The following PWWP4 variants were observed in gnomAD, a reference collection of about 807,000 sequenced individuals.
PWWP4 encodes putative PWWP domain-containing DNA repair factor 4.
exon 1 of PWWP4, among the ~76,000 whole-genome samples, chrX:153,271,781 T>C (rs2051807440): frequency 1.3e-5 from 1 of 76,668 alleles, no homozygotes; most frequent in Non-Finnish European, 2.3e-5. Flanking sequence ...AGCACAGACG[T>C]GAAGACCCCA....
chrX:153,275,803 A>G (rs1434291151), exon 1 of PWWP4, among the ~76,000 whole-genome samples: 1 of 63,239 alleles, frequency 1.6e-5, no homozygotes, highest in Non-Finnish European at 2.8e-5. Flanking sequence ...CACTCCAGGC[A>G]CCCTGCACTG....
exon 1 of PWWP4, among the ~76,000 whole-genome samples, chrX:153,272,782 C>T (rs1378064590): frequency 0.013 from 1,405 of 111,901 alleles, 2 homozygotes; most frequent in African/African-American, 0.019. Flanking sequence ...GGACAGGTCA[C>T]GGGCACGCAG....
upstream of PWWP4, among the ~76,000 whole-genome samples, chrX:153,266,784 C>G: frequency 1.4e-5 from 1 of 72,757 alleles, no homozygotes; most frequent in South Asian, 7.9e-4. Context: ...AGAGGGAAAT[C>G]TGATGCCGGC....
chrX:153,266,282 C>T, the PWWP4 span, among the ~76,000 whole-genome samples: 2 of 98,454 alleles, frequency 2.0e-5, no homozygotes, highest in Non-Finnish European at 4.0e-5. Flanking sequence ...GAGGTGAGGG[C>T]GTATGTGTGA....
At chrX:153,270,292 C>T (rs1388494369), upstream of PWWP4, among the ~76,000 whole-genome samples, 5 of 106,548 alleles carry the variant, frequency 4.7e-5, no homozygotes, top group African/African-American at 1.4e-4. Flanking sequence ...GGGATGCTCT[C>T]GGGAAAGCAC....
exon 1 of PWWP4, among the ~76,000 whole-genome samples, chrX:153,272,716 G>A (rs1353482810): frequency 6.5e-4 from 74 of 113,163 alleles, no homozygotes; most frequent in African/African-American, 2.0e-3. Context: ...TGCCCTGCGC[G>A]GAGACAGGTC....
chrX:153,269,114 A>G (rs1313332994), upstream of PWWP4, among the ~76,000 whole-genome samples: 1 of 51,341 alleles, frequency 1.9e-5, no homozygotes, highest in African/African-American at 8.9e-5. Flanking sequence ...CATGGATTCT[A>G]TGCATCAATG....
chrX:153,271,234 A>G (rs2051805339), upstream of PWWP4, among the ~76,000 whole-genome samples: 1 of 113,916 alleles, frequency 8.8e-6, no homozygotes, highest in African/African-American at 3.2e-5. Flanking sequence ...TGTGTAATAA[A>G]GCTTCTGTGG....
chrX:153,270,230 G>GAC (rs1369492867), upstream of PWWP4, among the ~76,000 whole-genome samples: 2 of 108,380 alleles, frequency 1.8e-5, no homozygotes, highest in African/African-American at 6.9e-5. Context: ...GAGAGAGAGA[G>GAC]AGGAGAGAGA....
exon 1 of PWWP4, among the ~76,000 whole-genome samples, chrX:153,272,785 G>A (rs1445607768): frequency 1.8e-5 from 2 of 113,778 alleles, no homozygotes; most frequent in East Asian, 2.9e-4. Flanking sequence ...CAGGTCACGG[G>A]CACGCAGCGC....
chrX:153,271,435 C>T (rs2051806195), upstream of PWWP4, among the ~76,000 whole-genome samples: 1 of 109,019 alleles, frequency 9.2e-6, no homozygotes, highest in Non-Finnish European at 1.9e-5. Context: ...ATTGGAAACA[C>T]GAGTTCAAGT....
At chrX:153,270,212 C>CAGAGAGAGAGAGAGAGAGAGG (rs2051802117), upstream of PWWP4, among the ~76,000 whole-genome samples, 1 of 100,809 alleles carries the variant, frequency 9.9e-6, no homozygotes, top group Admixed American at 1.1e-4. Context: ...CACACACACA[C>CAGAGAGAGAGAGAGAGAGAGG]AGAGAGAGAG....
rs1190152081 is a variant in PWWP4, at chrX:153,276,376, C to T, written c.4759C>T (p.Arg1587Ter). Reference sequence around the variant, plus strand: ...GCAAGCACATGTGTTGCAAAGCCCCCGAGCCTGCCAGGATTCCCTGACGCT... The same window carrying T: ...GCAAGCACATGTGTTGCAAAGCCCCTGAGCCTGCCAGGATTCCCTGACGCT... The change falls in exon 1 of 1, where the codon CGA (arginine) becomes TGA (stop). Residue 1587 changes from arginine to a stop codon, truncating the protein, a stop_gained. Transcript: ENST00000458091. LOFTEE classifies it high-confidence loss of function. 1.5e-4 allele frequency among the ~76,000 whole-genome samples: 13 copies of T among 87,113 alleles called. 1 individual carries two copies. The highest frequency in any genetic ancestry group is 1.4e-3 in the South Asian group (3 of 2,193). The allele number at this position is 87,113 out of a possible 115,157, so 75.6% of individuals were successfully genotyped here. A position where few individuals can be genotyped will look rare whatever the true frequency, so the allele number is the denominator to read the frequency against.
At chrX:153,266,465 A>G in the PWWP4 span, among the ~76,000 whole-genome samples, 4 of 59,504 alleles carry the variant, frequency 6.7e-5, no homozygotes, top group Non-Finnish European at 9.5e-5. Context: ...GCGTGTTTGT[A>G]TGTGAGGATG....
At chrX:153,276,247 A>G (rs2051827387) in exon 1 of PWWP4, among the ~76,000 whole-genome samples, 1 of 89,220 alleles carries the variant, frequency 1.1e-5, no homozygotes, top group African/African-American at 4.3e-5. Flanking sequence ...TGTCCTGCGC[A>G]GTGACAGCTC....
chrX:153,270,213 A>AGAGAGAGAGAGAGAGAGAG (rs2051802148), upstream of PWWP4, among the ~76,000 whole-genome samples: 15 of 66,170 alleles, frequency 2.3e-4, no homozygotes, highest in Non-Finnish European at 4.3e-4. Flanking sequence ...ACACACACAC[A>AGAGAGAGAGAGAGAGAGAG]GAGAGAGAGA....
At chrX:153,268,503 C>CCTACCTACCTACCTCT (rs1363218075), upstream of PWWP4, among the ~76,000 whole-genome samples, 5 of 67,071 alleles carry the variant, frequency 7.5e-5, no homozygotes, top group African/African-American at 2.7e-4. Flanking sequence ...TACCTGCCTA[C>CCTACCTACCTACCTCT]CTACCTACCT....
upstream of PWWP4, among the ~76,000 whole-genome samples, chrX:153,271,315 T>C (rs1260964233): frequency 9.0e-6 from 1 of 110,921 alleles, no homozygotes; most frequent in East Asian, 3.5e-4. Context: ...TCACGTTTCC[T>C]TATTTTATCA....
chrX:153,266,270 G>A, the PWWP4 span, among the ~76,000 whole-genome samples: 1 of 99,881 alleles, frequency 1.0e-5, no homozygotes, highest in African/African-American at 3.9e-5. Flanking sequence ...GGGGGCGGGG[G>A]GGAGGTGAGG....
Sources: allele counts gnomAD v4.1 joint callset (sites outside exome capture counted in the v4.1 genomes callset), GRCh38; gene constraint gnomAD v4.1.1; transcripts MANE v1.5; gene names NCBI Gene and HGNC (gene_info 2026-07-23, HGNC 2026-07-21).